Variants in MEIS2 observed in about 807,000 individuals in gnomAD.
MEIS2 encodes the protein Meis homeobox 2.
MEIS2 carries 9 observed loss-of-function variants against 58.6 expected under a neutral mutation model. The ratio of observed to expected loss-of-function variants is 0.15; its 90% CI spans 0.09 to 0.27. MEIS2 has a LOEUF of 0.27. Ranked by LOEUF, MEIS2 falls within the 10% of genes least tolerant of loss-of-function variation. The pLI, the probability that MEIS2 is intolerant of heterozygous loss-of-function variation, is 1.00. For synonymous variants in MEIS2, 221 were observed against 228.4 expected (o/e 0.97, Z 0.29); for missense variants, 427 against 635.0 (o/e 0.67, Z 3.52).
At chr15:37,071,875 C>A (rs116037651) in intron 7 of MEIS2, among the ~76,000 whole-genome samples, 2,320 of 152,206 alleles carry the variant, frequency 0.015, 69 homozygotes, top group African/African-American at 0.053. Flanking sequence ...TCCACTTTGA[C>A]AACTTTGCAT....
intron 7 of MEIS2, among the ~76,000 whole-genome samples, chr15:37,078,625 A>C (rs1891768813): frequency 6.7e-6 from 1 of 150,202 alleles, no homozygotes; most frequent in Non-Finnish European, 1.5e-5. Flanking sequence ...AAAAAAAAAA[A>C]AAAAAAACAC....
At chr15:37,037,157 T>G (rs980743754) in intron 7 of MEIS2, among the ~76,000 whole-genome samples, 198 bp from the exon 8 acceptor site, 6 of 152,216 alleles carry the variant, frequency 3.9e-5, no homozygotes, top group African/African-American at 1.4e-4. Context: ...TAATTTTGTG[T>G]GTCTCACACT....
chr15:37,074,483 GA>G (rs1891112292), intron 7 of MEIS2, among the ~76,000 whole-genome samples: 1 of 151,960 alleles, frequency 6.6e-6, no homozygotes, highest in Non-Finnish European at 1.5e-5. Context: ...TAAGACCCAT[GA>G]ATGGAAACAT....
chr15:36,908,370 T>C (rs11634333), intron 9 of MEIS2, among the ~76,000 whole-genome samples: 17,896 of 152,190 alleles, frequency 0.12, 1,106 homozygotes, highest in African/African-American at 0.15. Context: ...TCTGCTTTAG[T>C]CCTTAAATAT....
At chr15:36,954,069 C>T (rs2141403050) in intron 8 of MEIS2, among the ~76,000 whole-genome samples, 1 of 152,180 alleles carries the variant, frequency 6.6e-6, no homozygotes, top group South Asian at 2.1e-4. Context: ...TACCTCAAAT[C>T]ACCTCATAAA....
intron 9 of MEIS2, among the ~76,000 whole-genome samples, chr15:36,921,837 A>G (rs1341502816): frequency 2.0e-5 from 3 of 152,234 alleles, no homozygotes; most frequent in South Asian, 2.1e-4. Flanking sequence ...CTCGAGGAAG[A>G]GCAGCTATAA....
chr15:37,072,217 T>A (rs1049504214), intron 7 of MEIS2, among the ~76,000 whole-genome samples: 2 of 152,110 alleles, frequency 1.3e-5, no homozygotes, highest in African/African-American at 4.8e-5. Flanking sequence ...CATAAACTCC[T>A]TTTGCTTAAA....
chr15:37,060,664 T>C (rs1889087057), intron 7 of MEIS2, among the ~76,000 whole-genome samples: 1 of 152,090 alleles, frequency 6.6e-6, no homozygotes, highest in Admixed American at 6.6e-5. Context: ...TAAGACTGGG[T>C]GGGACCCAGC....
intron 7 of MEIS2, among the ~76,000 whole-genome samples, chr15:37,059,863 C>T (rs944755493): frequency 2.0e-5 from 3 of 151,984 alleles, no homozygotes; most frequent in Non-Finnish European, 2.9e-5. Flanking sequence ...ATCGCTTGCG[C>T]CTGGGAGGTG....
At chr15:37,095,922 C>A (rs1894166624) in intron 3 of MEIS2, 1 of 464,704 alleles carries the variant, frequency 2.2e-6, no homozygotes, top group Non-Finnish European at 3.9e-6. Flanking sequence ...TGCCTGGGAC[C>A]GCTCGGAGAG....
At chr15:37,088,277 G>A (rs1893126941) in intron 6 of MEIS2, among the ~76,000 whole-genome samples, 1 of 152,100 alleles carries the variant, frequency 6.6e-6, no homozygotes, top group African/African-American at 2.4e-5. Context: ...TGTGCTCATA[G>A]GTAGAGAGTA....
At chr15:36,983,851 G>C (rs2060009908) in intron 8 of MEIS2, among the ~76,000 whole-genome samples, 1 of 151,970 alleles carries the variant, frequency 6.6e-6, no homozygotes, top group Admixed American at 6.6e-5. Flanking sequence ...TTAGTGTACA[G>C]ATCCTTTGCC....
At chr15:37,028,003 G>A (rs113889358) in intron 8 of MEIS2, among the ~76,000 whole-genome samples, 1,972 of 152,200 alleles carry the variant, frequency 0.013, 51 homozygotes, top group African/African-American at 0.046. Context: ...CATTCTATGG[G>A]TTTGGACAAA....
intron 8 of MEIS2, among the ~76,000 whole-genome samples, chr15:36,983,202 T>C (rs990542377): frequency 5.9e-5 from 9 of 152,162 alleles, no homozygotes; most frequent in Non-Finnish European, 1.0e-4. Flanking sequence ...TTTGGAGTCA[T>C]ATCCAAAAAA....
chr15:36,990,002 T>C (rs950393842), intron 8 of MEIS2, among the ~76,000 whole-genome samples: 1 of 152,176 alleles, frequency 6.6e-6, no homozygotes, highest in Non-Finnish European at 1.5e-5. Context: ...TGGAGTGCAG[T>C]GGCACAATCT....
chr15:36,973,355 A>C (rs1595846217), intron 8 of MEIS2, among the ~76,000 whole-genome samples: 2 of 152,316 alleles, frequency 1.3e-5, no homozygotes, highest in Admixed American at 1.3e-4. Context: ...GCCCCGGTAG[A>C]AAGACCTTTA....
chr15:36,979,493 T>A (rs954028365), intron 8 of MEIS2, among the ~76,000 whole-genome samples: 39 of 151,930 alleles, frequency 2.6e-4, no homozygotes, highest in Non-Finnish European at 5.3e-4. Context: ...TGACATCGTA[T>A]TTTAGTTTTT....
chr15:37,032,738 T>C (rs2061980611), intron 8 of MEIS2, among the ~76,000 whole-genome samples: 1 of 152,214 alleles, frequency 6.6e-6, no homozygotes, highest in Non-Finnish European at 1.5e-5. Context: ...ATTTATTCTG[T>C]TAAAATTATT....
intron 7 of MEIS2, among the ~76,000 whole-genome samples, chr15:37,045,991 A>G (rs2062652368): frequency 6.6e-6 from 1 of 152,178 alleles, no homozygotes; most frequent in South Asian, 2.1e-4. Flanking sequence ...GCAGAAAGGG[A>G]AAAAAAGAGG....
Sources: gnomAD v4.1 joint callset for allele counts (sites outside exome capture counted in the v4.1 genomes callset) on GRCh38, gnomAD v4.1.1 for gene constraint, MANE v1.5 for transcripts, NCBI Gene and HGNC (gene_info 2026-07-23, HGNC 2026-07-21) for gene names.